BRDT: variants seen among roughly 807,000 people sequenced by gnomAD.
BRDT encodes the protein bromodomain testis associated.
Under a neutral mutation model 113.9 loss-of-function variants are expected in BRDT, and 77 were observed. The ratio of observed to expected loss-of-function variants is 0.68; its 90% CI spans 0.56 to 0.82. The LOEUF (loss-of-function observed/expected upper bound fraction) is 0.82. Ranked by LOEUF, BRDT falls within the 40% of genes least tolerant of loss-of-function variation. BRDT has a pLI of 0.00. For synonymous variants in BRDT, 358 were observed against 366.5 expected (o/e 0.98, Z 0.26); for missense variants, 1,027 against 1,105.4 (o/e 0.93, Z 1.01).
chr1:92,006,615 C>T (rs1215038624), intron 18 of BRDT, among the ~76,000 whole-genome samples: 11 of 147,254 alleles, frequency 7.5e-5, no homozygotes, highest in African/African-American at 1.5e-4. Context: ...TACAGGCGCA[C>T]GCCACCATGC....
intron 15 of BRDT, among the ~76,000 whole-genome samples, chr1:92,000,420 T>C (rs1686732852): frequency 6.6e-6 from 1 of 152,232 alleles, no homozygotes; most frequent in African/African-American, 2.4e-5. Context: ...ATTGAGGCTG[T>C]GTACAGACGT....
intron 17 of BRDT, 96 bp downstream of exon 17, chr1:92,004,715 T>C: frequency 8.8e-7 from 1 of 1,131,584 alleles, no homozygotes; most frequent in Non-Finnish European, 1.2e-6. Flanking sequence ...ATGATTCAAC[T>C]GTTTAGTAGA....
intron 4 of BRDT, among the ~76,000 whole-genome samples, chr1:91,969,824 T>TTG (rs1683442288): frequency 1.2e-4 from 1 of 8,292 alleles, no homozygotes; most frequent in Non-Finnish European, 3.6e-4. Context: ...TGTGTGTGTG[T>TTG]TTTTTTTTTT....
rs374841922 is a variant in BRDT, at chr1:91,981,302, C to T, written c.1785C>T (p.His595=). ...TAATGATGTCCAAAGAAGAACTTCA[C>T]TCACAGAAAAAACAGGAATTGGAAA... ...KKIMMSKEEL[H]SQKKQELEKR... The change falls in exon 11 of 19, where the codon CAC becomes CAT. Residue 595 remains histidine, a synonymous_variant. Coordinates refer to ENST00000399546, the MANE Select transcript of BRDT (RefSeq NM_207189.4). 1 of 1,614,102 alleles carries T rather than the reference C, an allele frequency of 6.2e-7. No homozygotes were observed. Among genetic ancestry groups the T allele is most frequent in the Non-Finnish European group, 8.5e-7 (1 of 1,180,002 alleles).
chr1:91,980,150 T>G (rs973690731), intron 8 of BRDT, among the ~76,000 whole-genome samples: 1 of 152,184 alleles, frequency 6.6e-6, no homozygotes, highest in Non-Finnish European at 1.5e-5. Context: ...CTCACGCCTG[T>G]AACCCCAACA....
intron 11 of BRDT, 56 bp downstream of exon 11, chr1:91,981,437 G>C: frequency 6.6e-7 from 1 of 1,519,950 alleles, no homozygotes. Context: ...TAGAGACAGG[G>C]TCTTGTGATA....
Position 91,962,753 on chromosome 1 carries a change from G to C in BRDT, c.-2G>C, listed in dbSNP as rs1682622469. The C allele has an allele frequency of 6.3e-7, 1 of 1,579,346 alleles. No homozygotes were observed. Among genetic ancestry groups the C allele is most frequent in the Admixed American group, 1.9e-5 (1 of 53,114 alleles). The stretch of plus-strand genomic sequence containing the variant: ...TGTAGACAGGATTCAAAGCAGTTAA[G>C]AATGTCTCTGCCAAGTCGACAAACA... On this transcript the variant is annotated 5_prime_UTR_variant, in exon 2 of 19. Transcript: ENST00000399546.
At chr1:91,981,871 A>C in intron 12 of BRDT, 116 bp downstream of exon 12, 30 of 1,304,034 alleles carry the variant, frequency 2.3e-5, no homozygotes, top group Non-Finnish European at 3.1e-5. Context: ...TTTGTATATC[A>C]TGCTAATTAT....
At chr1:92,002,419 C>T (rs985069967) in intron 16 of BRDT, among the ~76,000 whole-genome samples, 1 of 151,938 alleles carries the variant, frequency 6.6e-6, no homozygotes, top group Non-Finnish European at 1.5e-5. Context: ...GCTGGAGTGC[C>T]GTGGCACGAT....
intron 15 of BRDT, 75 bp downstream of exon 15, chr1:91,994,329 G>T: frequency 8.3e-7 from 1 of 1,207,926 alleles, no homozygotes; most frequent in Non-Finnish European, 1.1e-6. Flanking sequence ...AAATGTTATG[G>T]TCATCTTAAA....
At chr1:91,969,432 A>G (rs1683396741) in intron 4 of BRDT, among the ~76,000 whole-genome samples, 1 of 151,826 alleles carries the variant, frequency 6.6e-6, no homozygotes, top group African/African-American at 2.4e-5. Context: ...TGCTTTAACC[A>G]AATCTATGAG....
chr1:91,962,782 A>C lies in BRDT; in HGVS notation c.28A>C (p.Ile10Leu). Residue 10 changes from isoleucine (I) to leucine (L), a missense_variant, in exon 2 of 19, where the codon ATT becomes CTT. By Grantham distance (5) the Ile-to-Leu change is conservative. Transcript: ENST00000399546. Reference sequence around the variant, plus strand: ...GTCTCTGCCAAGTCGACAAACAGCTATTATTGTTAACCCTCCTCCACCAGA... The same window carrying C: ...GTCTCTGCCAAGTCGACAAACAGCTCTTATTGTTAACCCTCCTCCACCAGA... The part of the protein sequence containing the change: MSLPSRQTA[I>L]IVNPPPPEYI... The C allele has an allele frequency of 3.1e-6, 5 of 1,601,874 alleles. No individual in the cohort carries two copies. The highest frequency in any genetic ancestry group is 4.3e-6 in the Non-Finnish European group (5 of 1,175,828).
intron 7 of BRDT, 152 bp downstream of exon 7, chr1:91,978,448 A>G (rs1684364607): frequency 3.3e-6 from 3 of 915,000 alleles, no homozygotes; most frequent in Non-Finnish European, 3.1e-6. Flanking sequence ...CCAACAAAAC[A>G]GTTTATGAAT....
intron 15 of BRDT, among the ~76,000 whole-genome samples, chr1:91,997,302 T>A (rs1247099225): frequency 2.0e-5 from 3 of 152,096 alleles, no homozygotes; most frequent in Non-Finnish European, 1.5e-5. Context: ...GGAATTTGAG[T>A]GTAGTGAATG....
intron 3 of BRDT, among the ~76,000 whole-genome samples, chr1:91,967,752 C>T (rs765639725): frequency 2.6e-5 from 4 of 152,086 alleles, no homozygotes; most frequent in Non-Finnish European, 4.4e-5. Flanking sequence ...AGGCTGGTCT[C>T]GAACTCCCGA....
intron 12 of BRDT, among the ~76,000 whole-genome samples, chr1:91,990,655 TTACTC>T (rs1220555397): frequency 6.6e-6 from 1 of 152,222 alleles, no homozygotes; most frequent in African/African-American, 2.4e-5. Flanking sequence ...GAGTGGACAT[TTACTC>T]TACTATAGGA....
At chr1:91,957,839 TTTTTTG>T (rs375423962) in intron 1 of BRDT, among the ~76,000 whole-genome samples, 1,536 of 152,128 alleles carry the variant, frequency 0.01, 22 homozygotes, top group African/African-American at 0.025. Context: ...TTTTTTGTTG[TTTTTTG>T]TTTTTGTTTT....
chr1:91,958,133 A>G (rs925231953), intron 1 of BRDT, among the ~76,000 whole-genome samples: 1 of 151,292 alleles, frequency 6.6e-6, no homozygotes, highest in Non-Finnish European at 1.5e-5. Flanking sequence ...GCGAGCCGCC[A>G]TGCCTGGCCA....
At chr1:91,987,158 G>A (rs1428624001) in intron 12 of BRDT, among the ~76,000 whole-genome samples, 4 of 151,692 alleles carry the variant, frequency 2.6e-5, no homozygotes, top group African/African-American at 7.3e-5. Flanking sequence ...GGCTTCAAGC[G>A]ATCTGCCTGC....
Sources: allele counts gnomAD v4.1 joint callset (sites outside exome capture counted in the v4.1 genomes callset), GRCh38; gene constraint gnomAD v4.1.1; transcripts MANE v1.5; gene names NCBI Gene and HGNC (gene_info 2026-07-23, HGNC 2026-07-21).